Variants in ACER3 observed in about 807,000 individuals in gnomAD.
The protein encoded by ACER3 is alkaline ceramidase 3.
In ACER3, 16 loss-of-function variants were observed where a neutral mutation model predicts 48.9. The observed-to-expected ratio is 0.33, with a 90% CI of 0.22 to 0.50. ACER3 has a LOEUF of 0.50. Among genes scored for constraint, ACER3 ranks in the 20% least tolerant of loss-of-function variants. The pLI is 0.98. For missense variants in ACER3, 227 were observed against 326.0 expected, an observed-to-expected ratio of 0.70 and a Z score of 2.34; for synonymous variants, 109 against 107.8, an observed-to-expected ratio of 1.01 and a Z score of -0.07.
intron 1 of ACER3, among the ~76,000 whole-genome samples, chr11:76,861,343 C>T (rs1035495489): frequency 2.0e-5 from 3 of 151,598 alleles, no homozygotes; most frequent in Non-Finnish European, 2.9e-5. Flanking sequence ...AAGTGGGGAG[C>T]CCCTGCTGGA....
chr11:76,903,074 A>T (rs1250992927), intron 1 of ACER3, among the ~76,000 whole-genome samples: 1 of 152,202 alleles, frequency 6.6e-6, no homozygotes, highest in African/African-American at 2.4e-5. Flanking sequence ...TTATGTATCC[A>T]TGACATACCT....
At chr11:76,891,645 C>T (rs1945807561) in intron 1 of ACER3, among the ~76,000 whole-genome samples, 1 of 152,176 alleles carries the variant, frequency 6.6e-6, no homozygotes, top group South Asian at 2.1e-4. Context: ...AAAGAGGAGG[C>T]TCCCTTGTGG....
chr11:76,920,508 C>T (rs1474169279), intron 1 of ACER3, among the ~76,000 whole-genome samples: 2 of 152,048 alleles, frequency 1.3e-5, no homozygotes, highest in Non-Finnish European at 2.9e-5. Flanking sequence ...CTGCTCCTTA[C>T]CTCTGATATT....
Position 76,949,875 on chromosome 11 carries a change from C to T in ACER3, c.215-9104C>T, listed in dbSNP as rs543235533. Among the ~76,000 whole-genome samples the T allele has an allele frequency of 5.4e-4, 82 of 152,290 alleles. No individual in the cohort carries two copies. In the South Asian group the frequency reaches 0.013, roughly 24 times the overall value. On this transcript the variant is annotated intron_variant, in intron 2 of 10. Transcript: ENST00000532485. ...CTTGGCACATGGGTTCTAATCTGGA[C>T]TCTGTCTGCCTTGCTAGGTTCGTCT...
intron 1 of ACER3, among the ~76,000 whole-genome samples, chr11:76,906,123 GT>G (rs1228942592): frequency 2.6e-5 from 4 of 152,192 alleles, no homozygotes; most frequent in Admixed American, 2.0e-4. Context: ...TTCGTTTATA[GT>G]TTTTAACTTT....
chr11:77,002,286 C>T (rs1476141687), intron 7 of ACER3, among the ~76,000 whole-genome samples: 2 of 152,082 alleles, frequency 1.3e-5, no homozygotes, highest in Admixed American at 6.6e-5. Flanking sequence ...ACCTATAATA[C>T]ACTCTATTAC....
chr11:76,914,332 G>A (rs1416644164), intron 1 of ACER3, among the ~76,000 whole-genome samples: 2 of 152,044 alleles, frequency 1.3e-5, no homozygotes, highest in Admixed American at 1.3e-4. Context: ...AATCTACAAA[G>A]AACTCAAACA....
At chr11:76,933,173 CATAT>C (rs144524712) in intron 2 of ACER3, among the ~76,000 whole-genome samples, 4 of 129,602 alleles carry the variant, frequency 3.1e-5, no homozygotes, top group African/African-American at 5.3e-5. Context: ...ATACGTATTT[CATAT>C]ATATATATAT....
At chr11:77,008,746 G>T (rs1221249319) in intron 7 of ACER3, among the ~76,000 whole-genome samples, 1 of 152,138 alleles carries the variant, frequency 6.6e-6, no homozygotes, top group African/African-American at 2.4e-5. Flanking sequence ...TAAATGCCCA[G>T]ATGAGTTCAC....
At chr11:76,957,603 CTGGCTAATTTTTATATTTTTAGTAGAGA>C (rs1301965028) in intron 2 of ACER3, 2 of 288,972 alleles carry the variant, frequency 6.9e-6, no homozygotes, top group African/African-American at 4.5e-5. Flanking sequence ...ATCACCATGT[CTGGCTAATTTTTATATTTTTAGTAGAGA>C]TGGGGTTTCA....
chr11:76,957,436 TTTTG>T, intron 2 of ACER3: 1 of 444,210 alleles, frequency 2.3e-6, no homozygotes, highest in Admixed American at 2.4e-5. Context: ...ATTTTTAACT[TTTTG>T]TGTGTGTGTT....
chr11:76,867,468 CAAAAAAAAAA>C (rs1156610809), intron 1 of ACER3, among the ~76,000 whole-genome samples: 10 of 19,662 alleles, frequency 5.1e-4, no homozygotes, highest in Admixed American at 8.7e-4. Flanking sequence ...GACTCTGTCT[CAAAAAAAAAA>C]AAAAAAAAAA....
intron 4 of ACER3, among the ~76,000 whole-genome samples, chr11:76,984,607 C>T (rs893239174): frequency 6.6e-6 from 1 of 152,114 alleles, no homozygotes; most frequent in African/African-American, 2.4e-5. Flanking sequence ...GCTTATTTAC[C>T]GGATACCTCC....
At chr11:76,979,135 A>G (rs1035014527) in intron 4 of ACER3, among the ~76,000 whole-genome samples, 1 of 152,248 alleles carries the variant, frequency 6.6e-6, no homozygotes, top group African/African-American at 2.4e-5. Flanking sequence ...GCCACCAGCC[A>G]CAGAGGTTTC....
intron 1 of ACER3, among the ~76,000 whole-genome samples, chr11:76,920,565 C>T (rs1263530871): frequency 6.6e-6 from 1 of 151,640 alleles, no homozygotes; most frequent in African/African-American, 2.4e-5. Flanking sequence ...CCTGTCTCTC[C>T]TTACTCTTAT....
At chr11:76,868,020 AG>A (rs368128631) in intron 1 of ACER3, 1 of 984,010 alleles carries the variant, frequency 1.0e-6, no homozygotes, top group East Asian at 6.1e-5. Flanking sequence ...ACAAGACAAA[AG>A]GGGCTTTAAT....
chr11:77,004,271 G>A (rs151119777), intron 7 of ACER3, among the ~76,000 whole-genome samples: 2 of 152,272 alleles, frequency 1.3e-5, no homozygotes, highest in Non-Finnish European at 2.9e-5. Context: ...AGTTGCATAA[G>A]CTATCTGGCA....
intron 2 of ACER3, among the ~76,000 whole-genome samples, chr11:76,949,511 T>C (rs570938556): frequency 6.6e-6 from 1 of 152,150 alleles, no homozygotes; most frequent in Non-Finnish European, 1.5e-5. Flanking sequence ...ACTAAATCAG[T>C]GTGCATGCAA....
chr11:76,926,975 CT>C (rs1431550458), intron 2 of ACER3, among the ~76,000 whole-genome samples: 2 of 152,000 alleles, frequency 1.3e-5, no homozygotes, highest in Non-Finnish European at 2.9e-5. Context: ...AGATCTTTTT[CT>C]TTTTTAAGGA....
Sources: gnomAD v4.1 joint callset for allele counts (sites outside exome capture counted in the v4.1 genomes callset) on GRCh38, gnomAD v4.1.1 for gene constraint, MANE v1.5 for transcripts, NCBI Gene and HGNC (gene_info 2026-07-23, HGNC 2026-07-21) for gene names.